The following VSTM4 variants were observed in gnomAD, a reference collection of about 807,000 sequenced individuals.
VSTM4 encodes the protein V-set and transmembrane domain containing 4.
VSTM4 carries 20 observed loss-of-function variants against 36.4 expected under a neutral mutation model. The ratio of observed to expected loss-of-function variants is 0.55; its 90% confidence interval spans 0.39 to 0.80. The LOEUF (loss-of-function observed/expected upper bound fraction) is 0.80, where lower values mean the gene tolerates loss of function less well. Among genes scored for constraint, VSTM4 ranks in the 30% least tolerant of loss-of-function variants. The pLI is 0.00. For synonymous variants in VSTM4, 182 were observed against 173.9 expected (o/e 1.05, Z -0.37); for missense variants, 392 against 404.5 (o/e 0.97, Z 0.26).
intron 5 of VSTM4, among the ~76,000 whole-genome samples, chr10:49,049,596 A>G (rs943965687): frequency 2.6e-5 from 4 of 152,214 alleles, no homozygotes; most frequent in African/African-American, 9.7e-5. Context: ...GCTAATACAT[A>G]CAGAATTTCT....
intron 4 of VSTM4, among the ~76,000 whole-genome samples, chr10:49,075,473 C>T (rs1351320318): frequency 1.3e-5 from 2 of 152,242 alleles, no homozygotes; most frequent in African/African-American, 4.8e-5. Flanking sequence ...ATGTGTGGTC[C>T]CTGCCTCTCA....
At chr10:49,033,227 A>G (rs1440828600) in intron 7 of VSTM4, among the ~76,000 whole-genome samples, 1 of 152,222 alleles carries the variant, frequency 6.6e-6, no homozygotes, top group Non-Finnish European at 1.5e-5. Context: ...AGGTAGATCT[A>G]TACGTACTGA....
chr10:49,033,884 T>C (rs1343397421), intron 7 of VSTM4, among the ~76,000 whole-genome samples: 1 of 152,066 alleles, frequency 6.6e-6, no homozygotes, highest in Non-Finnish European at 1.5e-5. Context: ...ATTATCATCA[T>C]TATTACCACC....
Position 49,019,701 on chromosome 10 carries a change from G to A in VSTM4, c.912C>T (p.Ala304=). 1 of 1,614,026 alleles carries A rather than the reference G, an allele frequency of 6.2e-7. No individual in the cohort carries two copies. Among genetic ancestry groups the A allele is most frequent in the South Asian group, 1.1e-5 (1 of 91,038 alleles). ...TCTGGGCGTAGACAGTGCTGGTGGG[G>A]GCGCCTTTGGCAGCCCGGTGGGGTT... ...LIKPHRAAKG[A]PTSTVYAQIL... Residue 304 remains alanine (A), a synonymous_variant, in exon 8 of 8, where the codon GCC becomes GCT. Transcript: ENST00000332853.
At chr10:49,086,796 CAT>C (rs1460722669) in intron 2 of VSTM4, among the ~76,000 whole-genome samples, 2 of 152,216 alleles carry the variant, frequency 1.3e-5, no homozygotes, top group Non-Finnish European at 2.9e-5. Flanking sequence ...CCACTGGACA[CAT>C]GTGGCTACTG....
chr10:49,034,890 G>C (rs1029399492), intron 7 of VSTM4, among the ~76,000 whole-genome samples: 3 of 152,110 alleles, frequency 2.0e-5, no homozygotes, highest in Non-Finnish European at 2.9e-5. Flanking sequence ...AAATGATATT[G>C]TTTCATGAGA....
At position 49,017,504 on chromosome 10, in the gene VSTM4, A is replaced by T. The variant is rs1456354997; in HGVS notation, c.*2146T>A. ...TATAACAATGACTGGTTTGACTCTAACTGGGAGCTACTAGCTCTTAAGAGC... is the reference window on the plus strand; with the variant it reads ...TATAACAATGACTGGTTTGACTCTATCTGGGAGCTACTAGCTCTTAAGAGC... On this transcript the variant is annotated 3_prime_UTR_variant, in exon 8 of 8. Coordinates refer to ENST00000332853, the MANE Select transcript of VSTM4 (RefSeq NM_001031746.5). 6.6e-6 allele frequency: 1 copy of T among 152,242 alleles called. No homozygotes were observed. The highest frequency in any genetic ancestry group is 1.5e-5 in the Non-Finnish European group (1 of 68,058). The allele number at this position is 152,242 out of a possible 1,614,324, so 9.4% of individuals were successfully genotyped here.
chr10:49,072,080 T>C (rs181916707), intron 4 of VSTM4, among the ~76,000 whole-genome samples: 3 of 152,364 alleles, frequency 2.0e-5, no homozygotes, highest in Non-Finnish European at 2.9e-5. Context: ...TGATGTCATT[T>C]CTGAGGATCA....
rs548015711 is a variant in VSTM4, at chr10:49,085,234, G to A, written c.526+721C>T. On this transcript the variant is annotated intron_variant, in intron 3 of 7. Coordinates refer to ENST00000332853, the MANE Select transcript of VSTM4 (RefSeq NM_001031746.5). ...CTGCCGGTCTGCAATCACACTTTGG[G>A]AACCACTGTTCCAAGGCCATGGTTC... is the stretch of plus-strand genomic sequence containing the variant. 5.4e-4 allele frequency among the ~76,000 whole-genome samples: 83 copies of A among 152,366 alleles called. No homozygotes were observed. In the South Asian group the frequency reaches 0.01, roughly 19 times the overall value.
At chr10:49,076,755 G>A (rs960806508) in intron 4 of VSTM4, among the ~76,000 whole-genome samples, 2 of 152,140 alleles carry the variant, frequency 1.3e-5, no homozygotes, top group African/African-American at 4.8e-5. Flanking sequence ...CTCTCAGACT[G>A]GTCAGGGAAA....
rs780515012 is a variant in VSTM4, at chr10:49,070,252, C to CAAA, written c.635-5519_635-5517dup. Among the ~76,000 whole-genome samples the CAAA allele has an allele frequency of 8.7e-4, 19 of 21,724 alleles. 3 individuals are homozygous for CAAA. The highest frequency in any genetic ancestry group is 3.2e-3 in the African/African-American group (13 of 4,036). 14.3% of individuals were successfully genotyped at this position (21,724 alleles called of 152,430 possible). On this transcript the variant is annotated intron_variant, in intron 4 of 7. Coordinates refer to ENST00000332853, the MANE Select transcript of VSTM4 (RefSeq NM_001031746.5). ...TGGGCGACAGAGCGAGACTCCGTCT[C>CAAA]AAAAAAAAAAAAAAAAAAAAAAAAA...
intron 7 of VSTM4, among the ~76,000 whole-genome samples, chr10:49,029,799 G>A (rs1843317502): frequency 6.6e-6 from 1 of 152,228 alleles, no homozygotes; most frequent in Non-Finnish European, 1.5e-5. Flanking sequence ...AAGGGAACTG[G>A]CCCCATCCTC....
intron 7 of VSTM4, among the ~76,000 whole-genome samples, chr10:49,026,299 T>C (rs1843260341): frequency 6.6e-6 from 1 of 152,074 alleles, no homozygotes; most frequent in East Asian, 1.9e-4. Context: ...GAGTTGAAAT[T>C]CACCCCATGC....
At chr10:49,035,664 C>T (rs548588354) in intron 7 of VSTM4, among the ~76,000 whole-genome samples, 280 of 100,808 alleles carry the variant, frequency 2.8e-3, no homozygotes, top group South Asian at 5.5e-3. Context: ...GAGATCCCAG[C>T]TCCACAAAAA....
intron 2 of VSTM4, among the ~76,000 whole-genome samples, chr10:49,089,782 T>A (rs1844439074): frequency 1.3e-5 from 2 of 152,214 alleles, no homozygotes; most frequent in Admixed American, 1.3e-4. Context: ...CCCATAAGTA[T>A]CTTGTTGCAG....
chr10:49,040,659 C>G (rs192314319), intron 7 of VSTM4, among the ~76,000 whole-genome samples: 1 of 152,212 alleles, frequency 6.6e-6, no homozygotes, highest in African/African-American at 2.4e-5. Flanking sequence ...GTACACACTT[C>G]TTGCAAAATG....
intron 7 of VSTM4, among the ~76,000 whole-genome samples, chr10:49,023,432 G>A (rs915686568): frequency 3.3e-5 from 5 of 152,208 alleles, no homozygotes; most frequent in African/African-American, 1.2e-4. Context: ...TGTTTCAGTG[G>A]AAGGTTTAAG....
At chr10:49,026,760 C>T (rs1249503734) in intron 7 of VSTM4, among the ~76,000 whole-genome samples, 5 of 152,266 alleles carry the variant, frequency 3.3e-5, no homozygotes, top group African/African-American at 1.2e-4. Flanking sequence ...CAGAGGAACC[C>T]GCTGCTACCT....
chr10:49,075,699 C>G (rs541123215), intron 4 of VSTM4, among the ~76,000 whole-genome samples: 1 of 152,326 alleles, frequency 6.6e-6, no homozygotes. Context: ...GGAAAGACAC[C>G]CATGCTACAG....
Sources: allele counts gnomAD v4.1 joint callset (sites outside exome capture counted in the v4.1 genomes callset), GRCh38; gene constraint gnomAD v4.1.1; transcripts MANE v1.5; gene names NCBI Gene and HGNC (gene_info 2026-07-23, HGNC 2026-07-21).